Variants in PDPN observed in about 807,000 individuals in gnomAD.
PDPN encodes podoplanin, also known as PA2.26 antigen.
PDPN carries 12 observed loss-of-function variants against 23.2 expected under a neutral mutation model. The ratio of observed to expected loss-of-function variants is 0.52; its 90% CI spans 0.33 to 0.84. PDPN has a LOEUF of 0.84. Among genes scored for constraint, PDPN ranks in the 40% least tolerant of loss-of-function variants. PDPN has a pLI of 0.02. For synonymous variants in PDPN, 77 were observed against 76.7 expected (o/e 1.00, Z -0.02); for missense variants, 199 against 212.2 (o/e 0.94, Z 0.39).
intron 4 of PDPN, 74 bp downstream of exon 4, chr1:13,613,799 C>A: frequency 2.6e-6 from 2 of 784,230 alleles, no homozygotes; most frequent in South Asian, 1.4e-5. Flanking sequence ...ATTGTTGAGA[C>A]GAATTGCGTT....
intron 1 of PDPN, among the ~76,000 whole-genome samples, chr1:13,587,212 A>T (rs532277086): frequency 2.6e-5 from 4 of 152,366 alleles, no homozygotes; most frequent in Admixed American, 6.5e-5. Flanking sequence ...TTGTCATAAT[A>T]CATTAAAATA....
intron 1 of PDPN, among the ~76,000 whole-genome samples, chr1:13,599,533 C>T (rs983688169): frequency 6.6e-6 from 1 of 150,748 alleles, no homozygotes; most frequent in Non-Finnish European, 1.5e-5. Context: ...TTACAGAGGC[C>T]CACCATCACG....
rs150815612 is a variant in PDPN, at chr1:13,586,196, A to G, written c.67+2096A>G. ...ACCCACATGTGCTTTTCCGGGACCA[A>G]TCCACCCAGGATTAATCATGCGGCC... is the stretch of plus-strand genomic sequence containing the variant. On this transcript the variant is annotated intron_variant, in intron 1 of 5. Transcript: ENST00000621990. Among the ~76,000 whole-genome samples the G allele has an allele frequency of 2.0e-4, 31 of 152,228 alleles. No homozygotes were observed. In the East Asian group the frequency reaches 4.6e-3, roughly 23 times the overall value.
chr1:13,588,558 CAA>C (rs929908021), intron 1 of PDPN, among the ~76,000 whole-genome samples: 4 of 106,418 alleles, frequency 3.8e-5, no homozygotes, highest in African/African-American at 1.5e-4. Flanking sequence ...ACTGATTTAA[CAA>C]ATATTTTTAT....
At chr1:13,598,042 C>T (rs1640543433) in intron 1 of PDPN, among the ~76,000 whole-genome samples, 1 of 151,708 alleles carries the variant, frequency 6.6e-6, no homozygotes, top group Non-Finnish European at 1.5e-5. Flanking sequence ...TCTTTTCTTT[C>T]GTCTCACTCT....
chr1:13,584,839 AT>A (rs1371214517), intron 1 of PDPN, among the ~76,000 whole-genome samples: 2 of 152,106 alleles, frequency 1.3e-5, no homozygotes, highest in Non-Finnish European at 2.9e-5. Context: ...GGCTTTAAAT[AT>A]TTTGTATCCC....
intron 1 of PDPN, among the ~76,000 whole-genome samples, chr1:13,602,043 ATGCCTTTGGGTG>A (rs1640656668): frequency 1.1e-5 from 1 of 89,340 alleles, no homozygotes; most frequent in Admixed American, 1.4e-4. Context: ...TGGGTGGCTC[ATGCCTTTGGGTG>A]GCTCAGCACT....
chr1:13,605,696 C>G (rs1201749142), intron 1 of PDPN, among the ~76,000 whole-genome samples: 2 of 151,936 alleles, frequency 1.3e-5, no homozygotes, highest in African/African-American at 4.8e-5. Context: ...GATCTTGGCT[C>G]ACTGCAACCC....
chr1:13,615,059 C>T (rs12087111), intron 5 of PDPN, among the ~76,000 whole-genome samples: 2 of 152,126 alleles, frequency 1.3e-5, no homozygotes, highest in Admixed American at 6.5e-5. Flanking sequence ...TTCTAGAAAA[C>T]CGCCTGTCAC....
chr1:13,595,820 A>G (rs988257939), intron 1 of PDPN: 3 of 1,261,500 alleles, frequency 2.4e-6, no homozygotes, highest in Non-Finnish European at 3.1e-6. Context: ...CGTCTCTTTC[A>G]TTACAGGGGA....
chr1:13,608,521 C>T (rs1394975320), intron 2 of PDPN, among the ~76,000 whole-genome samples: 1 of 152,222 alleles, frequency 6.6e-6, no homozygotes, highest in Non-Finnish European at 1.5e-5. Flanking sequence ...CTGCCTAGAA[C>T]ACTGCCCAGA....
At chr1:13,613,870 C>CTT (rs34784418) in intron 4 of PDPN, 145 bp downstream of exon 4, 325 of 218,130 alleles carry the variant, frequency 1.5e-3, no homozygotes, top group Admixed American at 1.9e-3. Flanking sequence ...AGATTTCAAG[C>CTT]TTTTTTTTTT....
chr1:13,606,713 A>G (rs1004125785), intron 1 of PDPN, among the ~76,000 whole-genome samples: 1 of 152,178 alleles, frequency 6.6e-6, no homozygotes, highest in Admixed American at 6.5e-5. Flanking sequence ...ATAAAAAAAT[A>G]AAAAGATGGA....
chr1:13,610,625 A>C, intron 3 of PDPN, 109 bp downstream of exon 3: 1 of 1,125,956 alleles, frequency 8.9e-7, no homozygotes, highest in East Asian at 2.5e-5. Flanking sequence ...TTGGGATGCA[A>C]GAGTGACTTC....
chr1:13,600,375 T>TC (rs1051751019), intron 1 of PDPN, among the ~76,000 whole-genome samples: 1 of 151,928 alleles, frequency 6.6e-6, no homozygotes, highest in Non-Finnish European at 1.5e-5. Context: ...TTAACTCTTT[T>TC]TTTTTTTTTG....
chr1:13,584,232 A>C (rs1410785445), intron 1 of PDPN, 132 bp downstream of exon 1: 6 of 1,522,646 alleles, frequency 3.9e-6, no homozygotes, highest in Non-Finnish European at 5.3e-6. Context: ...TGTGCGTGTC[A>C]GGCGGCTGAG....
intron 1 of PDPN, among the ~76,000 whole-genome samples, chr1:13,603,713 C>T (rs921785649): frequency 2.6e-5 from 4 of 151,712 alleles, no homozygotes; most frequent in East Asian, 1.9e-4. Context: ...CTCAGCCTCC[C>T]GAGTAGTTGG....
At chr1:13,592,896 A>G (rs974251572) in intron 1 of PDPN, among the ~76,000 whole-genome samples, 6 of 152,198 alleles carry the variant, frequency 3.9e-5, no homozygotes, top group Non-Finnish European at 8.8e-5. Context: ...ACCTCTGTCA[A>G]AAATCAATTA....
intron 1 of PDPN, among the ~76,000 whole-genome samples, chr1:13,592,411 A>G (rs1486261592): frequency 7.5e-6 from 1 of 134,128 alleles, no homozygotes; most frequent in African/African-American, 2.6e-5. Context: ...TTACTCTTAC[A>G]GTTTTAGCTC....
Sources: gnomAD v4.1 joint callset for allele counts (sites outside exome capture counted in the v4.1 genomes callset) on GRCh38, gnomAD v4.1.1 for gene constraint, MANE v1.5 for transcripts, NCBI Gene and HGNC (gene_info 2026-07-23, HGNC 2026-07-21) for gene names.